The following SHCBP1L variants were observed in gnomAD, a reference collection of about 807,000 sequenced individuals.
The protein encoded by SHCBP1L is SHC binding and spindle associated 1 like.
Under a neutral mutation model 62.5 loss-of-function variants are expected in SHCBP1L, and 67 were observed. The observed-to-expected ratio is 1.07, with a 90% confidence interval of 0.88 to 1.31. SHCBP1L has a LOEUF of 1.31. Among genes scored for constraint, SHCBP1L ranks in the 40% most tolerant of loss-of-function variants. SHCBP1L has a pLI of 0.00. For synonymous variants in SHCBP1L, 284 were observed against 289.4 expected, an observed-to-expected ratio of 0.98 and a Z score of 0.19; for missense variants, 823 against 809.8, an observed-to-expected ratio of 1.02 and a Z score of -0.20.
At chr1:182,914,536 G>T (rs1650292494) in intron 6 of SHCBP1L, among the ~76,000 whole-genome samples, 1 of 152,154 alleles carries the variant, frequency 6.6e-6, no homozygotes. Flanking sequence ...TTAAAGCAAA[G>T]TTGGTATCAA....
At chr1:182,905,740 C>A in intron 6 of SHCBP1L, 91 bp from the exon 7 acceptor site, 1 of 1,202,302 alleles carries the variant, frequency 8.3e-7, no homozygotes, top group South Asian at 1.5e-5. Context: ...AGTACTTTTC[C>A]CAAAAGACTT....
At chr1:182,938,189 C>G (rs796275855) in intron 5 of SHCBP1L, among the ~76,000 whole-genome samples, 42 of 152,074 alleles carry the variant, frequency 2.8e-4, no homozygotes, top group African/African-American at 1.0e-3. Flanking sequence ...CTCACCGCAA[C>G]CTCCGCCTCC....
intron 6 of SHCBP1L, 45 bp from the exon 7 acceptor site, chr1:182,905,694 T>A: frequency 6.4e-7 from 1 of 1,570,480 alleles, no homozygotes; most frequent in Non-Finnish European, 8.7e-7. Context: ...TAGGTTAAAC[T>A]GAAACATGTC....
rs149515064 is a variant in SHCBP1L, at chr1:182,939,307, G to C, written c.945C>G (p.Val315=). 2 of 1,613,730 alleles carry C rather than the reference G, an allele frequency of 1.2e-6. No homozygotes were observed. The highest frequency in any genetic ancestry group is 1.7e-5 in the Admixed American group (1 of 59,984). Residue 315 remains valine, a synonymous_variant, in exon 5 of 10, where the codon GTC becomes GTG. Transcript: ENST00000367547. ...TATTGCTCTGATACTCAATGAGCTCGACACGTTTGTTTTTATATTTCTCCA... is the reference window on the plus strand; with the variant it reads ...TATTGCTCTGATACTCAATGAGCTCCACACGTTTGTTTTTATATTTCTCCA... ...KTLEKYKNKR[V]ELIEYQSNIK... is the part of the protein sequence containing the mutation.
intron 3 of SHCBP1L, among the ~76,000 whole-genome samples, 198 bp from the exon 4 acceptor site, chr1:182,939,751 T>A (rs1048893319): frequency 6.6e-6 from 1 of 152,046 alleles, no homozygotes; most frequent in Non-Finnish European, 1.5e-5. Context: ...TTACAGTGAA[T>A]GAGATAATGA....
intron 2 of SHCBP1L, among the ~76,000 whole-genome samples, chr1:182,945,090 C>G (rs570487952): frequency 6.6e-6 from 1 of 151,160 alleles, no homozygotes; most frequent in Non-Finnish European, 1.5e-5. Context: ...CAGCCTCCCA[C>G]GTATCTGGGA....
rs71127328 is a variant in SHCBP1L, at chr1:182,930,727, A to ATTT, written c.1077-978_1077-976dup. ...TGTATATATATATATATATATATGT[A>ATTT]TTTTTTTTTTTTTTTTTTTTTTTTA... On this transcript the variant is annotated intron_variant, in intron 5 of 9. Coordinates refer to ENST00000367547, the MANE Select transcript of SHCBP1L (RefSeq NM_030933.4). Among the ~76,000 whole-genome samples the ATTT allele has an allele frequency of 7.6e-4, 16 of 20,956 alleles. 1 individual carries two copies. The highest frequency in any genetic ancestry group is 0.083 in the Middle Eastern group (2 of 24). 13.7% of individuals were successfully genotyped at this position (20,956 alleles called of 152,430 possible). A position where few individuals can be genotyped will look rare whatever the true frequency, so the allele number is the denominator to read the frequency against.
rs771500976 is a variant in SHCBP1L, at chr1:182,940,322, C to T, written c.770+7G>A. On this transcript the variant is annotated splice_region_variant and intron_variant, in intron 3 of 9. Transcript: ENST00000367547. The stretch of plus-strand genomic sequence containing the variant: ...AATTTAATTTTCAAAAGTAAAGGCC[C>T]TAATACCTGACAACTTCCAAGGCCA... 1.4e-5 allele frequency: 23 copies of T among 1,611,580 alleles called. No individual in the cohort carries two copies. The African/African-American group carries it at 2.8e-4, about 20-fold the overall frequency.
intron 6 of SHCBP1L, among the ~76,000 whole-genome samples, chr1:182,906,663 C>T (rs992301814): frequency 1.4e-4 from 22 of 152,198 alleles, no homozygotes; most frequent in African/African-American, 5.3e-4. Flanking sequence ...AACTCCTGAC[C>T]TCAGGTGGTC....
chr1:182,918,530 C>A (rs1447563469), intron 6 of SHCBP1L, among the ~76,000 whole-genome samples: 1 of 152,052 alleles, frequency 6.6e-6, no homozygotes, highest in African/African-American at 2.4e-5. Context: ...GAAAAGCCAT[C>A]CCATGTTCAT....
chr1:182,903,571 C>T (rs1017792802), intron 8 of SHCBP1L, among the ~76,000 whole-genome samples: 1 of 152,078 alleles, frequency 6.6e-6, no homozygotes, highest in African/African-American at 2.4e-5. Context: ...TATTTTTCTA[C>T]TTCCTTTAAT....
Position 182,900,221 on chromosome 1 carries a change from G to A in SHCBP1L, c.1724C>T (p.Pro575Leu), listed in dbSNP as rs765585298. The part of the protein sequence containing the change: ...GGVNMKVLPA[P>L]KLKMTNNHIY... ...ATGATTATTAGTCATCTTCAATTTG[G>A]GTGCTGGAAGAACCTATTAAATTAT... is the stretch of plus-strand genomic sequence containing the variant. The change falls in exon 10 of 10, where the codon CCC becomes CTC. Residue 575 changes from proline to leucine, a missense_variant. Coordinates refer to ENST00000367547, the MANE Select transcript of SHCBP1L (RefSeq NM_030933.4). The A allele has an allele frequency of 1.9e-6, 3 of 1,556,972 alleles. No individual in the cohort carries two copies. Among genetic ancestry groups the A allele is most frequent in the Non-Finnish European group, 2.6e-6 (3 of 1,154,596 alleles).
chr1:182,942,323 T>G, intron 2 of SHCBP1L: 1 of 842,596 alleles, frequency 1.2e-6, no homozygotes, highest in Non-Finnish European at 2.1e-6. Context: ...TGCAGGAGGC[T>G]TAGCTGACAA....
chr1:182,904,066 A>C (rs1405004785), intron 8 of SHCBP1L, 114 bp downstream of exon 8: 4 of 1,295,362 alleles, frequency 3.1e-6, no homozygotes, highest in Non-Finnish European at 3.2e-6. Context: ...TACTAAGTTT[A>C]ATTAGAATTC....
At chr1:182,932,638 G>T (rs1377671237) in intron 5 of SHCBP1L, among the ~76,000 whole-genome samples, 1 of 151,784 alleles carries the variant, frequency 6.6e-6, no homozygotes, top group African/African-American at 2.4e-5. Flanking sequence ...GGGACAACTG[G>T]CCTGCACCAC....
intron 5 of SHCBP1L, among the ~76,000 whole-genome samples, chr1:182,931,797 A>G (rs554641012): frequency 6.6e-6 from 1 of 152,206 alleles, no homozygotes; most frequent in South Asian, 2.1e-4. Context: ...AGTTTACATC[A>G]GAGTTGACTC....
intron 2 of SHCBP1L, among the ~76,000 whole-genome samples, chr1:182,949,263 A>C (rs1365869117): frequency 2.0e-5 from 3 of 148,148 alleles, no homozygotes; most frequent in African/African-American, 5.3e-5. Flanking sequence ...TTGAAAAAAA[A>C]CCCACAAACT....
chr1:182,914,019 T>A (rs775903426), intron 6 of SHCBP1L, among the ~76,000 whole-genome samples: 70 of 151,916 alleles, frequency 4.6e-4, no homozygotes, highest in Non-Finnish European at 9.6e-4. Flanking sequence ...CAAAGATAAA[T>A]AGAGAATCTT....
chr1:182,910,970 G>C (rs1295967721), intron 6 of SHCBP1L, among the ~76,000 whole-genome samples: 2 of 151,926 alleles, frequency 1.3e-5, no homozygotes, highest in Non-Finnish European at 1.5e-5. Context: ...GCTCACTGCA[G>C]CCTCTTCCTC....
Sources: allele counts gnomAD v4.1 joint callset (sites outside exome capture counted in the v4.1 genomes callset), GRCh38; gene constraint gnomAD v4.1.1; transcripts MANE v1.5; gene names NCBI Gene and HGNC (gene_info 2026-07-23, HGNC 2026-07-21).